Variants in MSI2 observed in about 807,000 individuals in gnomAD.
MSI2 encodes the protein musashi RNA binding protein 2.
MSI2 carries 17 observed loss-of-function variants against 45.6 expected under a neutral mutation model. That is an observed-to-expected ratio of 0.37 (90% CI 0.26 to 0.56). The LOEUF (loss-of-function observed/expected upper bound fraction) is 0.56. MSI2 is among the 20% of genes least tolerant of loss of function. The pLI is 0.77. For missense variants in MSI2, 293 were observed against 444.2 expected (o/e 0.66, Z 3.06); for synonymous variants, 156 against 158.2 (o/e 0.99, Z 0.11).
intron 7 of MSI2, among the ~76,000 whole-genome samples, chr17:57,591,503 G>T (rs547103031): frequency 6.6e-6 from 1 of 151,704 alleles, no homozygotes; most frequent in African/African-American, 2.4e-5. Flanking sequence ...CAGGAGGATC[G>T]CTTGAGCCCA....
At chr17:57,655,732 G>A (rs1322820415) in intron 11 of MSI2, among the ~76,000 whole-genome samples, 2 of 152,120 alleles carry the variant, frequency 1.3e-5, no homozygotes, top group Admixed American at 1.3e-4. Context: ...TTCTGAGCAC[G>A]CTCAGCGGGA....
chr17:57,485,307 C>T (rs1021768471), intron 6 of MSI2, among the ~76,000 whole-genome samples: 10 of 152,170 alleles, frequency 6.6e-5, no homozygotes, highest in Non-Finnish European at 8.8e-5. Flanking sequence ...TGTTGGGTTA[C>T]TTTCATGTCT....
intron 7 of MSI2, among the ~76,000 whole-genome samples, chr17:57,561,517 C>T (rs2087574285): frequency 6.6e-6 from 1 of 152,232 alleles, no homozygotes; most frequent in African/African-American, 2.4e-5. Flanking sequence ...CCTCCACCCC[C>T]ACCTGACCTT....
chr17:57,633,321 G>A (rs146435434), intron 10 of MSI2: 1,082 of 364,602 alleles, frequency 3.0e-3, no homozygotes, highest in Non-Finnish European at 3.9e-3. Flanking sequence ...GCTGCCGCCT[G>A]TTCCCAGCCC....
At chr17:57,457,431 G>T (rs934385176) in intron 6 of MSI2, among the ~76,000 whole-genome samples, 3 of 152,136 alleles carry the variant, frequency 2.0e-5, no homozygotes, top group Non-Finnish European at 4.4e-5. Flanking sequence ...CAAGTGGTCT[G>T]CTTTTCTAAG....
At chr17:57,349,759 A>T (rs16958244) in intron 5 of MSI2, among the ~76,000 whole-genome samples, 8,157 of 152,336 alleles carry the variant, frequency 0.054, 683 homozygotes, top group African/African-American at 0.18. Context: ...ACCAGGAACC[A>T]CACAAAAAGA....
intron 6 of MSI2, among the ~76,000 whole-genome samples, chr17:57,465,553 G>A (rs547091513): frequency 2.0e-4 from 31 of 152,292 alleles, no homozygotes; most frequent in African/African-American, 7.2e-4. Flanking sequence ...TGGAGGATGA[G>A]GAAGGGGAGA....
At chr17:57,292,054 G>C (rs1598080544) in intron 5 of MSI2, among the ~76,000 whole-genome samples, 2 of 152,168 alleles carry the variant, frequency 1.3e-5, no homozygotes, top group Non-Finnish European at 1.5e-5. Context: ...CCTCAGGAGG[G>C]CTAGTGGGCG....
Position 57,589,966 on chromosome 17 carries a change from A to G in MSI2, c.455-6902A>G, listed in dbSNP as rs192713268. On this transcript the variant is annotated intron_variant, in intron 7 of 13. Coordinates refer to ENST00000284073, the MANE Select transcript of MSI2 (RefSeq NM_138962.4). ...GAAAGTGCTCCCCACACCCACACCC[A>G]AGGGATTCATTTGTGCTGGAAGCAA... Among the ~76,000 whole-genome samples, 217 of 152,320 alleles carry G rather than the reference A, an allele frequency of 1.4e-3. 1 individual carries two copies. The highest frequency in any genetic ancestry group is 3.8e-4 in the Non-Finnish European group (26 of 68,026).
rs1302769335 is a variant in MSI2, at chr17:57,529,467, A to G, written c.406-209A>G. 6.6e-6 allele frequency among the ~76,000 whole-genome samples: 1 copy of G among 152,126 alleles called. No homozygotes were observed. The highest frequency in any genetic ancestry group is 2.4e-5 in the African/African-American group (1 of 41,414). ...TAAAAAGCAGACACTAAAGGGAACTATATAAAATGTTAACTGTATACAACG... is the reference window on the plus strand; with the variant it reads ...TAAAAAGCAGACACTAAAGGGAACTGTATAAAATGTTAACTGTATACAACG... On this transcript the variant is annotated intron_variant, in intron 6 of 13. Coordinates refer to ENST00000284073, the MANE Select transcript of MSI2 (RefSeq NM_138962.4). This position sits in a 1 kb window ranked among gnomAD's most constrained non-coding sequence, Gnocchi z 5.3.
At position 57,555,626 on chromosome 17, in the gene MSI2, C is replaced by T. The variant is rs2087416850; in HGVS notation, c.454+25902C>T. Among the ~76,000 whole-genome samples, 3 of 152,192 alleles carry T rather than the reference C, an allele frequency of 2.0e-5. No homozygotes were observed. The South Asian group carries it at 6.2e-4, about 32-fold the overall frequency. On this transcript the variant is annotated intron_variant, in intron 7 of 13. Coordinates refer to ENST00000284073, the MANE Select transcript of MSI2 (RefSeq NM_138962.4). Reference sequence around the variant, plus strand: ...CTGAACCCCCTGAGCATGCCTCCATCATTATTTCCCTACACTGACTCCCCC... The same window carrying T: ...CTGAACCCCCTGAGCATGCCTCCATTATTATTTCCCTACACTGACTCCCCC...
rs192207629 is a variant in MSI2, at chr17:57,364,746, A to G, written c.313-36633A>G. ...TGAATGTTTAGTGGGAAAGACCTCCAGCTCCTTTTCCTGTGATCCCAAGCT... is the reference window on the plus strand; with the variant it reads ...TGAATGTTTAGTGGGAAAGACCTCCGGCTCCTTTTCCTGTGATCCCAAGCT... On this transcript the variant is annotated intron_variant, in intron 5 of 13. Coordinates refer to ENST00000284073, the MANE Select transcript of MSI2 (RefSeq NM_138962.4). Among the ~76,000 whole-genome samples, 232 of 152,184 alleles carry G rather than the reference A, an allele frequency of 1.5e-3. 2 individuals carry two copies. The highest frequency in any genetic ancestry group is 5.2e-3 in the African/African-American group (216 of 41,508).
intron 5 of MSI2, among the ~76,000 whole-genome samples, chr17:57,349,318 C>T (rs936643780): frequency 3.3e-5 from 5 of 152,070 alleles, no homozygotes; most frequent in South Asian, 2.1e-4. Flanking sequence ...TGTGTGTGCA[C>T]GTGCGCTTCC....
intron 5 of MSI2, among the ~76,000 whole-genome samples, chr17:57,376,257 A>T (rs887514180): frequency 6.6e-6 from 1 of 152,216 alleles, no homozygotes; most frequent in African/African-American, 2.4e-5. Flanking sequence ...AAAGGTATAC[A>T]ATACTTTGGA....
In MSI2 at chr17:57,492,573, G is replaced by T. The variant is rs1461906596; in HGVS notation, c.406-37103G>T. On this transcript the variant is annotated intron_variant, in intron 6 of 13. Transcript: ENST00000284073. Reference sequence around the variant, plus strand: ...CGTCTGATGTGCTGTGTGCCAGTCTGGGGAGGGGTGAGGGAACTCCATTTG... The same window carrying T: ...CGTCTGATGTGCTGTGTGCCAGTCTTGGGAGGGGTGAGGGAACTCCATTTG... Among the ~76,000 whole-genome samples, 3 of 152,102 alleles carry T rather than the reference G, an allele frequency of 2.0e-5. No individual in the cohort carries two copies. In the East Asian group the frequency reaches 5.8e-4, roughly 29 times the overall value.
At chr17:57,590,869 C>A (rs1013850707) in intron 7 of MSI2, among the ~76,000 whole-genome samples, 2 of 152,188 alleles carry the variant, frequency 1.3e-5, no homozygotes, top group Admixed American at 6.5e-5. Flanking sequence ...GTCCCTGGGT[C>A]TCCTCTCCAT....
intron 5 of MSI2, among the ~76,000 whole-genome samples, chr17:57,343,152 G>A (rs1299338889): frequency 1.3e-5 from 2 of 152,134 alleles, no homozygotes; most frequent in African/African-American, 4.8e-5. Context: ...TTATCTTTCT[G>A]CACAGCCTGT....
At chr17:57,560,658 T>A (rs1303041115) in intron 7 of MSI2, among the ~76,000 whole-genome samples, 1 of 152,230 alleles carries the variant, frequency 6.6e-6, no homozygotes, top group East Asian at 1.9e-4. Context: ...CAGTAACACA[T>A]GCCTGCTATT....
chr17:57,305,635 T>A (rs1412123415), intron 5 of MSI2, among the ~76,000 whole-genome samples: 1 of 152,100 alleles, frequency 6.6e-6, no homozygotes, highest in East Asian at 1.9e-4. Context: ...TAAAGTGTGT[T>A]AAATGGAGCT....
Sources: gnomAD v4.1 joint callset for allele counts (sites outside exome capture counted in the v4.1 genomes callset) on GRCh38, gnomAD v4.1.1 for gene constraint, Gnocchi (gnomAD v3.1) non-coding constraint, MANE v1.5 for transcripts, NCBI Gene and HGNC (gene_info 2026-07-23, HGNC 2026-07-21) for gene names.